The following SEMA4A variants were observed in gnomAD, a reference collection of about 807,000 sequenced individuals.
SEMA4A encodes the protein semaphorin 4A, also known as semaphorin-4A.
In SEMA4A, 52 loss-of-function variants were observed where a neutral mutation model predicts 72.5. The observed-to-expected ratio is 0.72, with a 90% CI of 0.57 to 0.90. SEMA4A has a LOEUF of 0.90. Ranked by LOEUF, SEMA4A falls within the 40% of genes least tolerant of loss-of-function variation. The pLI, the probability that SEMA4A is intolerant of heterozygous loss-of-function variation, is 0.00. For missense variants in SEMA4A, 926 were observed against 959.7 expected (o/e 0.96, Z 0.46); for synonymous variants, 369 against 393.1 (o/e 0.94, Z 0.73).
rs760251182 is a variant in SEMA4A at position 156,177,042 on chromosome 1, C to T, written c.*45C>T. 3.2e-6 allele frequency: 5 copies of T among 1,566,238 alleles called. No homozygotes were observed. The highest frequency in any genetic ancestry group is 1.1e-5 in the South Asian group (1 of 90,020). On this transcript the variant is annotated 3_prime_UTR_variant, in exon 15 of 15. Transcript: ENST00000368285. ...GCTGCGGTGCAGGCACCTGGCCATG[C>T]TGGCTGGGCGGCCCAAGCACAGCCC...
chr1:156,176,503 G>A lies in SEMA4A; in HGVS notation c.1792G>A (p.Val598Ile). 1.1e-5 allele frequency: 17 copies of A among 1,614,176 alleles called. No individual in the cohort carries two copies. Among genetic ancestry groups the A allele is most frequent in the Non-Finnish European group, 1.4e-5 (17 of 1,180,034 alleles). ...SYYWSHGPAA[V>I]PEASSTVYNG... The stretch of plus-strand genomic sequence containing the variant: ...TTATTGGAGTCATGGCCCAGCAGCA[G>A]TCCCAGAAGCCTCTTCCACTGTCTA... The change falls in exon 15 of 15, where the codon GTC (valine) becomes ATC (isoleucine). Residue 598 changes from valine (V) to isoleucine (I), a missense_variant. Transcript: ENST00000368285.
Position 156,175,426 on chromosome 1 carries a change from C to T in SEMA4A, c.1593-130C>T, listed in dbSNP as rs1655222806. The T allele has an allele frequency of 3.7e-6, 4 of 1,093,668 alleles. No individual in the cohort carries two copies. The Admixed American group carries it at 7.7e-5, about 21-fold the overall frequency. 67.7% of individuals were successfully genotyped at this position (1,093,668 alleles called of 1,614,324 possible). On this transcript the variant is annotated intron_variant, in intron 13 of 14. Coordinates refer to ENST00000368285, the MANE Select transcript of SEMA4A (RefSeq NM_022367.4). ...CAGTTTTGAAGCTGCTCTGGCCATT[C>T]CGCGTTCCTCTCTCTGTTCCTAGTC...
chr1:156,148,194 A>G (rs1284811384), upstream of SEMA4A, among the ~76,000 whole-genome samples: 1 of 152,172 alleles, frequency 6.6e-6, no homozygotes, highest in Admixed American at 6.5e-5. Context: ...AGGATGTCCA[A>G]TGGGGGTGTG....
chr1:156,172,622 T>C (rs1654910723), intron 10 of SEMA4A, among the ~76,000 whole-genome samples: 1 of 152,186 alleles, frequency 6.6e-6, no homozygotes, highest in African/African-American at 2.4e-5. Context: ...GTCTTGGTAA[T>C]AGGCCCACTT....
chr1:156,169,974 G>A (rs965882098), intron 10 of SEMA4A, among the ~76,000 whole-genome samples: 6 of 151,686 alleles, frequency 4.0e-5, no homozygotes, highest in Middle Eastern at 3.5e-3. Flanking sequence ...GCAGTGAGCC[G>A]AGATCGTGCC....
intron 10 of SEMA4A, among the ~76,000 whole-genome samples, chr1:156,167,505 G>GAAAAGA (rs1654287715): frequency 4.8e-5 from 7 of 146,838 alleles, no homozygotes; most frequent in Non-Finnish European, 1.1e-4. Flanking sequence ...AGAAAGAAAA[G>GAAAAGA]AAAAGAAAAA....
At position 156,169,411 on chromosome 1, in the gene SEMA4A, T is replaced by C. The variant is rs1292503167; in HGVS notation, c.1135-3415T>C. 8.9e-5 allele frequency among the ~76,000 whole-genome samples: 11 copies of C among 123,380 alleles called. No homozygotes were observed. The South Asian group carries it at 2.8e-3, about 32-fold the overall frequency. The allele number at this position is 123,380 out of a possible 152,430, so 80.9% of individuals were successfully genotyped here. On this transcript the variant is annotated intron_variant, in intron 10 of 14. Coordinates refer to ENST00000368285, the MANE Select transcript of SEMA4A (RefSeq NM_022367.4). Reference sequence around the variant, plus strand: ...TAGGTTTATGTCTTTTCTTTTCTTTTTTTTTTTTTTTTTTTTTTTTTTGAG... The same window carrying C: ...TAGGTTTATGTCTTTTCTTTTCTTTCTTTTTTTTTTTTTTTTTTTTTTGAG...
Position 156,153,918 on chromosome 1 carries a change from G to A in SEMA4A, c.-30+154G>A, listed in dbSNP as rs551376698. On this transcript the variant is annotated intron_variant, in intron 1 of 14. Coordinates refer to ENST00000368285, the MANE Select transcript of SEMA4A (RefSeq NM_022367.4). ...CCCAGGCAGCTCCCCGGGAAATGCT[G>A]ATAACCAACCTGGTGGGATGGACCC... 7.2e-5 allele frequency among the ~76,000 whole-genome samples: 11 copies of A among 152,254 alleles called. No individual in the cohort carries two copies. The South Asian group carries it at 2.3e-3, about 32-fold the overall frequency.
chr1:156,153,357 G>C (rs1331276343), upstream of SEMA4A: 1 of 152,172 alleles, frequency 6.6e-6, no homozygotes, highest in Non-Finnish European at 1.5e-5. Flanking sequence ...TGCTAGGCTG[G>C]TTATACTGGC....
At chr1:156,152,181 G>C (rs1652591082), upstream of SEMA4A, among the ~76,000 whole-genome samples, 1 of 152,342 alleles carries the variant, frequency 6.6e-6, no homozygotes, top group East Asian at 1.9e-4. Flanking sequence ...TGCTAAAATT[G>C]TTGGGAGGGC....
intron 11 of SEMA4A, among the ~76,000 whole-genome samples, chr1:156,174,211 T>A (rs773107261): frequency 6.6e-6 from 1 of 152,064 alleles, no homozygotes; most frequent in Non-Finnish European, 1.5e-5. Context: ...ACCTTGAGGG[T>A]CAGTGGAAGA....
chr1:156,176,806 CTCA>C lies in SEMA4A; in HGVS notation c.2101_2103del (p.Ile701del). On this transcript the variant is annotated inframe_deletion, in exon 15 of 15. Coordinates refer to ENST00000368285, the MANE Select transcript of SEMA4A (RefSeq NM_022367.4). ...CTTTGCCTTAGTGCTTTCAGGAGCC[CTCA>C]TCATCCTCGTGGCCTCCCCATTGAG... 6.2e-7 allele frequency: 1 copy of C among 1,614,052 alleles called. No individual in the cohort carries two copies. The highest frequency in any genetic ancestry group is 1.7e-5 in the Admixed American group (1 of 60,022).
At chr1:156,171,279 T>A (rs550719772) in intron 10 of SEMA4A, among the ~76,000 whole-genome samples, 1 of 152,272 alleles carries the variant, frequency 6.6e-6, no homozygotes, top group South Asian at 2.1e-4. Context: ...TGACTGAAGA[T>A]CAAGACACGG....
chr1:156,153,480 G>A (rs1365472036), upstream of SEMA4A: 1 of 152,192 alleles, frequency 6.6e-6, no homozygotes, highest in Non-Finnish European at 1.5e-5. Context: ...TTGTGAGGTG[G>A]GTGAACGTCT....
chr1:156,154,201 G>C (rs1303035072), intron 1 of SEMA4A, among the ~76,000 whole-genome samples: 2 of 152,176 alleles, frequency 1.3e-5, no homozygotes, highest in Non-Finnish European at 1.5e-5. Context: ...TTTGGGCTTG[G>C]GCTATGAGAA....
intron 6 of SEMA4A, 162 bp downstream of exon 6, chr1:156,158,986 G>A (rs1230568157): frequency 5.7e-6 from 3 of 527,200 alleles, no homozygotes; most frequent in Admixed American, 2.4e-5. Flanking sequence ...GGATGCTTGA[G>A]TTTAGGGGTT....
At chr1:156,147,972 T>C (rs1255858436), upstream of SEMA4A, among the ~76,000 whole-genome samples, 1 of 152,176 alleles carries the variant, frequency 6.6e-6, no homozygotes, top group Admixed American at 6.5e-5. Context: ...CAAGACTATT[T>C]AGCTCTTTTC....
chr1:156,156,541 C>T lies in SEMA4A; in HGVS notation c.267C>T (p.Ile89=). The change falls in exon 3 of 15, where the codon ATC becomes ATT. Residue 89 remains isoleucine (I), a synonymous_variant. Coordinates refer to ENST00000368285, the MANE Select transcript of SEMA4A (RefSeq NM_022367.4). ...GAGAAGCCATTCTGGCCTTGGATATCCAGGATCCAGGGGTCCCCAGGCTAA... is the reference window on the plus strand; with the variant it reads ...GAGAAGCCATTCTGGCCTTGGATATTCAGGATCCAGGGGTCCCCAGGCTAA... The part of the protein sequence containing the change: ...GAREAILALD[I]QDPGVPRLKN... 6.2e-7 allele frequency: 1 copy of T among 1,613,934 alleles called. No homozygotes were observed. The highest frequency in any genetic ancestry group is 1.3e-5 in the African/African-American group (1 of 74,968).
intron 7 of SEMA4A, 131 bp downstream of exon 7, chr1:156,160,690 G>A: frequency 9.6e-7 from 1 of 1,039,456 alleles, no homozygotes. Context: ...CAGGGAAGAA[G>A]GCAAAGCTCC....
Sources: gnomAD v4.1 joint callset for allele counts (sites outside exome capture counted in the v4.1 genomes callset) on GRCh38, gnomAD v4.1.1 for gene constraint, MANE v1.5 for transcripts, NCBI Gene and HGNC (gene_info 2026-07-23, HGNC 2026-07-21) for gene names.